Variants in RMDN1 observed in about 807,000 individuals in gnomAD.
RMDN1 encodes the protein regulator of microtubule dynamics 1.
In RMDN1, 48 loss-of-function variants were observed where a neutral mutation model predicts 48.9. The observed-to-expected ratio is 0.98, with a 90% CI of 0.78 to 1.25. RMDN1 has a LOEUF of 1.25. Ranked by LOEUF, RMDN1 falls within the 50% of genes most tolerant of loss-of-function variation. RMDN1 has a pLI of 0.00. For missense variants in RMDN1, 418 were observed against 373.4 expected (o/e 1.12, Z -0.98); for synonymous variants, 148 against 132.6 (o/e 1.12, Z -0.80).
intron 2 of RMDN1, chr8:86,504,854 T>C: frequency 9.3e-7 from 1 of 1,070,014 alleles, no homozygotes; most frequent in Non-Finnish European, 1.5e-6. Context: ...CTGCTTATTA[T>C]TTAGGAGCCT....
In RMDN1 at chr8:86,507,017, A is replaced by G; in HGVS notation, c.225T>C (p.Ala75=). ...TACCTTTGGCTGTGGCATGAACCAC[A>G]GCAGCCTGAGAGATAACCTGGTAAG... ...FETYQVISQA[A]VVHATAKVEE... The change falls in exon 2 of 10, where the codon GCT becomes GCC. Residue 75 remains alanine (A), a synonymous_variant. Coordinates refer to ENST00000406452, the MANE Select transcript of RMDN1 (RefSeq NM_016033.3). 1.2e-6 allele frequency: 2 copies of G among 1,607,558 alleles called. No individual in the cohort carries two copies. Among genetic ancestry groups the G allele is most frequent in the Non-Finnish European group, 1.7e-6 (2 of 1,173,932 alleles).
At chr8:86,503,371 CA>C (rs1182231210) in intron 2 of RMDN1, among the ~76,000 whole-genome samples, 1,648 of 67,918 alleles carry the variant, frequency 0.024, 20 homozygotes, top group Non-Finnish European at 0.032. Flanking sequence ...CAAAACAAAA[CA>C]AAAAAAAAAA....
intron 5 of RMDN1, chr8:86,481,950 T>A: frequency 1.2e-6 from 1 of 844,478 alleles, no homozygotes; most frequent in Non-Finnish European, 2.0e-6. Flanking sequence ...TATTTGCTTG[T>A]CATCTTGCTG....
intron 2 of RMDN1, among the ~76,000 whole-genome samples, chr8:86,502,733 C>T (rs888375364): frequency 1.3e-5 from 2 of 152,120 alleles, no homozygotes; most frequent in Admixed American, 1.3e-4. Flanking sequence ...GGATTGGTTT[C>T]ATTTTGTCAC....
chr8:86,486,461 A>AAC, intron 4 of RMDN1, 23 bp downstream of exon 4: 1 of 1,557,036 alleles, frequency 6.4e-7, no homozygotes, highest in Non-Finnish European at 8.7e-7. Context: ...GTACATGGTT[A>AAC]ATAGCTTAGT....
At chr8:86,511,027 T>A (rs1820025043), upstream of RMDN1, among the ~76,000 whole-genome samples, 1 of 152,110 alleles carries the variant, frequency 6.6e-6, no homozygotes, top group Non-Finnish European at 1.5e-5. Context: ...TTGCTGCATG[T>A]AGTGGTGCAT....
Position 86,478,740 on chromosome 8 carries a change from A to C in RMDN1, c.729+183T>G, listed in dbSNP as rs578097630. ...TTACCAGCCACTCACCTAACGGGGAAAAAGAAAACCACTCACCAGTCAAGG... is the reference window on the plus strand; with the variant it reads ...TTACCAGCCACTCACCTAACGGGGACAAAGAAAACCACTCACCAGTCAAGG... On this transcript the variant is annotated intron_variant, in intron 7 of 9. Transcript: ENST00000406452. 1.9e-5 allele frequency: 11 copies of C among 580,848 alleles called. No homozygotes were observed. The East Asian group carries it at 3.3e-4, about 17-fold the overall frequency. 36.0% of individuals were successfully genotyped at this position (580,848 alleles called of 1,614,324 possible).
At chr8:86,496,375 C>T (rs1307032718) in intron 2 of RMDN1, among the ~76,000 whole-genome samples, 1 of 152,142 alleles carries the variant, frequency 6.6e-6, no homozygotes, top group Admixed American at 6.5e-5. Context: ...AGATGCATAA[C>T]CCAATTGTAT....
At chr8:86,489,829 CA>C (rs1237646168) in intron 2 of RMDN1, among the ~76,000 whole-genome samples, 94 of 59,472 alleles carry the variant, frequency 1.6e-3, no homozygotes, top group Middle Eastern at 9.3e-3. Context: ...GACTCTGTCT[CA>C]AAAAAAAAAA....
At chr8:86,511,844 A>G (rs1820062398), upstream of RMDN1, among the ~76,000 whole-genome samples, 1 of 152,144 alleles carries the variant, frequency 6.6e-6, no homozygotes, top group African/African-American at 2.4e-5. Context: ...AAGAAAAAAA[A>G]AAGCTATAAG....
At chr8:86,496,799 A>G (rs918453943) in intron 2 of RMDN1, among the ~76,000 whole-genome samples, 5 of 152,134 alleles carry the variant, frequency 3.3e-5, no homozygotes, top group African/African-American at 1.2e-4. Context: ...ATTAACAGAC[A>G]TCTACAAGGT....
downstream of RMDN1, chr8:86,470,233 C>T (rs1204795023): frequency 6.2e-6 from 8 of 1,289,240 alleles, no homozygotes; most frequent in South Asian, 1.2e-5. Context: ...TATACATGTA[C>T]GTGGGGAAAT....
Position 86,474,020 on chromosome 8 carries a change from C to T in RMDN1, c.*288G>A. 1 of 1,118,936 alleles carries T rather than the reference C, an allele frequency of 8.9e-7. No individual in the cohort carries two copies. The allele number at this position is 1,118,936 out of a possible 1,614,324, so 69.3% of individuals were successfully genotyped here. ...ATATTTCTTTGCTTGATCTCCCATC[C>T]CAATGTGATCAATCCTTAGAAATCT... On this transcript the variant is annotated 3_prime_UTR_variant, in exon 10 of 10. Coordinates refer to ENST00000406452, the MANE Select transcript of RMDN1 (RefSeq NM_016033.3).
In RMDN1 at chr8:86,503,376, A is replaced by AAAAAC. The variant is rs1563656396; in HGVS notation, c.247+3618_247+3619insGTTTT. On this transcript the variant is annotated intron_variant, in intron 2 of 9. Transcript: ENST00000406452. ...CAAAACAAAACAAAACAAAACAAAAAAAAAAAAAAAAAACAAAAAAAAATA... is the reference window on the plus strand; with the variant it reads ...CAAAACAAAACAAAACAAAACAAAAAAAAACAAAAAAAAAAAAACAAAAAAAAATA... Among the ~76,000 whole-genome samples the AAAAAC allele has an allele frequency of 4.5e-4, 33 of 73,034 alleles. 3 individuals are homozygous for AAAAAC. The highest frequency in any genetic ancestry group is 5.7e-4 in the Non-Finnish European group (24 of 41,852). 47.9% of individuals were successfully genotyped at this position (73,034 alleles called of 152,430 possible).
chr8:86,511,477 A>G (rs572211373), upstream of RMDN1, among the ~76,000 whole-genome samples: 1 of 148,982 alleles, frequency 6.7e-6, no homozygotes, highest in East Asian at 2.0e-4. Context: ...CGTCTCAAAG[A>G]AAAAAAAAAG....
At position 86,496,777 on chromosome 8, in the gene RMDN1, A is replaced by G. The variant is rs9773737; in HGVS notation, c.248-8138T>C. On this transcript the variant is annotated intron_variant, in intron 2 of 9. Transcript: ENST00000406452. The stretch of plus-strand genomic sequence containing the variant: ...AAAATATTCAGGATCTAAAGTTGAC[A>G]ATCAAATGGACATTAACAGACATCT... Among the ~76,000 whole-genome samples, 586 of 152,272 alleles carry G rather than the reference A, an allele frequency of 3.8e-3. 9 individuals carry two copies. Among genetic ancestry groups the G allele is most frequent in the African/African-American group, 0.014 (563 of 41,552 alleles).
At chr8:86,468,927 C>T (rs916672126), downstream of RMDN1, among the ~76,000 whole-genome samples, 67 of 152,092 alleles carry the variant, frequency 4.4e-4, no homozygotes, top group Non-Finnish European at 1.2e-4. Flanking sequence ...ATTAGGAGTG[C>T]AAGACTCTCT....
intron 2 of RMDN1, among the ~76,000 whole-genome samples, chr8:86,497,250 C>T (rs1817520103): frequency 6.6e-6 from 1 of 152,066 alleles, no homozygotes; most frequent in African/African-American, 2.4e-5. Context: ...CAAGAGCAAA[C>T]CAAATCCAAA....
At chr8:86,475,800 T>A (rs1813271546) in intron 8 of RMDN1, among the ~76,000 whole-genome samples, 1 of 152,228 alleles carries the variant, frequency 6.6e-6, no homozygotes, top group African/African-American at 2.4e-5. Context: ...ATTTGTGTGA[T>A]GCCATGTTGA....
Sources: gnomAD v4.1 joint callset for allele counts (sites outside exome capture counted in the v4.1 genomes callset) on GRCh38, gnomAD v4.1.1 for gene constraint, MANE v1.5 for transcripts, NCBI Gene and HGNC (gene_info 2026-07-23, HGNC 2026-07-21) for gene names.